The following PTCHD4 variants were observed in gnomAD, a reference collection of about 807,000 sequenced individuals.
PTCHD4 encodes the protein patched domain containing 4, also known as patched domain-containing protein 4.
In PTCHD4, 33 loss-of-function variants were observed where a neutral mutation model predicts 58.1. The ratio of observed to expected loss-of-function variants is 0.57; its 90% confidence interval spans 0.43 to 0.76. The LOEUF (loss-of-function observed/expected upper bound fraction) is 0.76. PTCHD4 is among the 30% of genes least tolerant of loss of function. The pLI, the probability that PTCHD4 is intolerant of heterozygous loss-of-function variation, is 0.00. For synonymous variants in PTCHD4, 478 were observed against 409.6 expected, an observed-to-expected ratio of 1.17 and a Z score of -2.02; for missense variants, 1,058 against 1,027.1, an observed-to-expected ratio of 1.03 and a Z score of -0.41.
At chr6:47,923,579 C>A (rs896328177) in intron 4 of PTCHD4, among the ~76,000 whole-genome samples, 4 of 152,152 alleles carry the variant, frequency 2.6e-5, no homozygotes, top group Non-Finnish European at 5.9e-5. Context: ...TTGATATAAG[C>A]TTATAGTGTG....
At chr6:47,998,537 A>C (rs1768591039) in intron 4 of PTCHD4, among the ~76,000 whole-genome samples, 1 of 152,218 alleles carries the variant, frequency 6.6e-6, no homozygotes, top group Admixed American at 6.5e-5. Context: ...AACTTCAGTA[A>C]CCACTTGAGG....
At chr6:47,894,671 C>T (rs889198559) in intron 4 of PTCHD4, among the ~76,000 whole-genome samples, 1 of 152,240 alleles carries the variant, frequency 6.6e-6, no homozygotes, top group Admixed American at 6.5e-5. Flanking sequence ...TATCAAAATA[C>T]ATTTCTAAGA....
chr6:47,910,767 A>C (rs1765044022), intron 4 of PTCHD4, among the ~76,000 whole-genome samples: 1 of 152,090 alleles, frequency 6.6e-6, no homozygotes. Context: ...ATATGATTTG[A>C]AGATGTTAAG....
At chr6:48,074,882 G>A (rs769274695) in intron 1 of PTCHD4, among the ~76,000 whole-genome samples, 1 of 152,108 alleles carries the variant, frequency 6.6e-6, no homozygotes, top group Non-Finnish European at 1.5e-5. Context: ...ATTCATTTAT[G>A]TTAAAAAGCT....
At chr6:48,048,938 T>G (rs1344486658) in intron 3 of PTCHD4, among the ~76,000 whole-genome samples, 1 of 151,958 alleles carries the variant, frequency 6.6e-6, no homozygotes, top group Non-Finnish European at 1.5e-5. Context: ...GTGGCCTGTG[T>G]ACTTTTGACA....
intron 4 of PTCHD4, among the ~76,000 whole-genome samples, chr6:47,973,613 A>T (rs1219316883): frequency 6.6e-6 from 1 of 152,218 alleles, no homozygotes; most frequent in East Asian, 1.9e-4. Context: ...GGCTGGGTCA[A>T]CAGGGATAAT....
chr6:47,887,500 C>T (rs1764228887), intron 4 of PTCHD4, among the ~76,000 whole-genome samples: 2 of 152,088 alleles, frequency 1.3e-5, no homozygotes, highest in Non-Finnish European at 2.9e-5. Flanking sequence ...GTTCAGTTCA[C>T]ATTGACAGAG....
At chr6:47,946,958 T>G (rs1013480329) in intron 4 of PTCHD4, among the ~76,000 whole-genome samples, 2 of 152,070 alleles carry the variant, frequency 1.3e-5, no homozygotes, top group African/African-American at 4.8e-5. Flanking sequence ...ATCCTCCCAC[T>G]TCAGCCCCCT....
intron 3 of PTCHD4, among the ~76,000 whole-genome samples, chr6:48,026,744 C>T (rs1237459987): frequency 2.6e-5 from 4 of 152,100 alleles, no homozygotes; most frequent in African/African-American, 9.7e-5. Context: ...TTCATCCACT[C>T]AGATGGGCTT....
intron 3 of PTCHD4, among the ~76,000 whole-genome samples, chr6:48,052,523 CA>C (rs1438945470): frequency 1.3e-5 from 2 of 151,962 alleles, no homozygotes; most frequent in South Asian, 2.1e-4. Context: ...GTAGATGAGA[CA>C]ACCCTCCACA....
chr6:47,932,143 G>C (rs1765844935), intron 4 of PTCHD4, among the ~76,000 whole-genome samples: 1 of 152,172 alleles, frequency 6.6e-6, no homozygotes, highest in African/African-American at 2.4e-5. Context: ...AGAATCCCCA[G>C]GGTGTGGCAG....
Position 47,878,320 on chromosome 6 carries a change from G to C in PTCHD4, c.2515C>G (p.His839Asp), listed in dbSNP as rs928088200. ...ECIEIQENPD[H>D]VTTV ...TATACCCCTCATACTGTGGTGACGT[G>C]ATCCGGGTTCTCTTGAATTTCTATG... Residue 839 changes from histidine to aspartate, a missense_variant, in exon 5 of 5, where the codon CAC (histidine) becomes GAC (aspartate). By Grantham distance (81) the His-to-Asp change is moderately conservative (BLOSUM62 -1). Coordinates refer to ENST00000339488, the MANE Select transcript of PTCHD4 (RefSeq NM_001384253.1). 3 of 1,598,266 alleles carry C rather than the reference G, an allele frequency of 1.9e-6. No individual in the cohort carries two copies. The African/African-American group carries it at 4.0e-5, about 22-fold the overall frequency.
At chr6:47,890,522 G>A (rs1230817057) in intron 4 of PTCHD4, among the ~76,000 whole-genome samples, 2 of 152,184 alleles carry the variant, frequency 1.3e-5, no homozygotes, top group Admixed American at 1.3e-4. Context: ...TCATGGGATT[G>A]TTAGGCGTTT....
intron 1 of PTCHD4, among the ~76,000 whole-genome samples, chr6:48,108,919 A>G (rs1765804675): frequency 6.6e-6 from 1 of 152,060 alleles, no homozygotes; most frequent in Non-Finnish European, 1.5e-5. Context: ...CAATTCACTA[A>G]TAACATTATG....
chr6:47,878,932 T>C lies in PTCHD4; in HGVS notation c.1903A>G (p.Ile635Val). 6.2e-7 allele frequency: 1 copy of C among 1,613,346 alleles called. No homozygotes were observed. The highest frequency in any genetic ancestry group is 8.5e-7 in the Non-Finnish European group (1 of 1,179,770). Residue 635 changes from isoleucine (I) to valine (V), a missense_variant, in exon 5 of 5, where the codon ATC (isoleucine) becomes GTC (valine). Ile to Val is a conservative substitution (Grantham distance 29). Coordinates refer to ENST00000339488, the MANE Select transcript of PTCHD4 (RefSeq NM_001384253.1). ...GAGGGGTTGAACACGATGAATCGGA[T>C]GCTCTTTGAGAGGGATAGGGGCCTC... ...KLRPLSLSKS[I>V]RFIVFNPSFV...
chr6:48,072,140 T>A (rs978739163), intron 1 of PTCHD4, among the ~76,000 whole-genome samples: 1 of 152,200 alleles, frequency 6.6e-6, no homozygotes, highest in Non-Finnish European at 1.5e-5. Flanking sequence ...ATGTGCAGCT[T>A]ACACTTAAGG....
At chr6:47,975,060 C>T (rs935671474) in intron 4 of PTCHD4, among the ~76,000 whole-genome samples, 62 of 152,208 alleles carry the variant, frequency 4.1e-4, no homozygotes, top group African/African-American at 1.4e-3. Flanking sequence ...CCTTCTTCAC[C>T]TCCAAGGCTG....
intron 4 of PTCHD4, among the ~76,000 whole-genome samples, chr6:48,003,701 T>TTTAA (rs1768829234): frequency 6.6e-6 from 1 of 152,192 alleles, no homozygotes; most frequent in Admixed American, 6.6e-5. Context: ...TTCAAACAGC[T>TTTAA]TTAATTTCAC....
chr6:48,064,520 C>A (rs1156874685), intron 3 of PTCHD4, among the ~76,000 whole-genome samples: 2 of 151,854 alleles, frequency 1.3e-5, no homozygotes, highest in Non-Finnish European at 2.9e-5. Flanking sequence ...ATTTCTATTA[C>A]TGTATACAAT....
Sources: gnomAD v4.1 joint callset for allele counts (sites outside exome capture counted in the v4.1 genomes callset) on GRCh38, gnomAD v4.1.1 for gene constraint, MANE v1.5 for transcripts, NCBI Gene and HGNC (gene_info 2026-07-23, HGNC 2026-07-21) for gene names.